MACROD2: variants seen among roughly 807,000 people sequenced by gnomAD.
MACROD2 encodes the protein mono-ADP ribosylhydrolase 2.
A neutral mutation model predicts 70.4 loss-of-function variants in MACROD2; 36 were observed. That is an observed-to-expected ratio of 0.51 (90% confidence interval 0.39 to 0.68). MACROD2 has a LOEUF of 0.68. Ranked by LOEUF, MACROD2 falls within the 30% of genes least tolerant of loss-of-function variation. The pLI is 0.00. For synonymous variants in MACROD2, 172 were observed against 178.8 expected (o/e 0.96, Z 0.30); for missense variants, 496 against 538.4 (o/e 0.92, Z 0.78).
At chr20:14,051,878 T>C (rs766574646) in intron 2 of MACROD2, 5 of 514,910 alleles carry the variant, frequency 9.7e-6, no homozygotes, top group South Asian at 4.3e-5. Flanking sequence ...GGTTTCAATA[T>C]GCCACATCTA....
chr20:14,284,320 C>G (rs2082328114), intron 3 of MACROD2, among the ~76,000 whole-genome samples: 1 of 152,170 alleles, frequency 6.6e-6, no homozygotes, highest in South Asian at 2.1e-4. Flanking sequence ...CATTATAAAA[C>G]TTAAAACTCA....
At chr20:15,224,270 A>C (rs2076886072) in intron 5 of MACROD2, among the ~76,000 whole-genome samples, 1 of 152,340 alleles carries the variant, frequency 6.6e-6, no homozygotes, top group Middle Eastern at 3.4e-3. Context: ...TGCATATTGC[A>C]ACAAATCTAA....
intron 6 of MACROD2, among the ~76,000 whole-genome samples, chr20:15,296,701 C>A (rs2077592558): frequency 6.6e-6 from 1 of 150,426 alleles, no homozygotes. Flanking sequence ...TGTATCTACC[C>A]AGTCTGGAAA....
intron 3 of MACROD2, among the ~76,000 whole-genome samples, chr20:14,239,196 AC>A (rs2081907290): frequency 6.6e-6 from 1 of 152,198 alleles, no homozygotes. Context: ...AGTGAGAATT[AC>A]AAAACACTGC....
chr20:15,539,326 TAGG>T (rs1301029336), intron 8 of MACROD2, among the ~76,000 whole-genome samples: 2 of 152,212 alleles, frequency 1.3e-5, no homozygotes, highest in Non-Finnish European at 2.9e-5. Flanking sequence ...AAGCTGACTG[TAGG>T]AGGACACAGG....
chr20:15,300,801 G>T (rs1024225016), intron 6 of MACROD2, among the ~76,000 whole-genome samples: 3 of 152,140 alleles, frequency 2.0e-5, no homozygotes, highest in Non-Finnish European at 4.4e-5. Flanking sequence ...AGACATTCAG[G>T]CTAATTCTGG....
rs553458556 is a variant in MACROD2 at position 15,873,330 on chromosome 20, T to C, written c.727+10504T>C. Among the ~76,000 whole-genome samples the C allele has an allele frequency of 2.0e-5, 3 of 152,252 alleles. No individual in the cohort carries two copies. The East Asian group carries it at 5.8e-4, about 29-fold the overall frequency. ...GAGTGGTACATGAGAGTTTATTTTT[T>C]TCCTACCTTTCTCAGTGGGTTACAT... On this transcript the variant is annotated intron_variant, in intron 9 of 17. Coordinates refer to ENST00000684519, the MANE Select transcript of MACROD2 (RefSeq NM_001351661.2).
intron 3 of MACROD2, among the ~76,000 whole-genome samples, chr20:14,341,747 A>C (rs1301588246): frequency 6.6e-6 from 1 of 152,228 alleles, no homozygotes; most frequent in Non-Finnish European, 1.5e-5. Flanking sequence ...TCTAAGCCTT[A>C]CCTGCAAAAT....
At position 14,093,680 on chromosome 20, in the gene MACROD2, AC is replaced by A. The variant is rs564319076; in HGVS notation, c.271+7956del. On this transcript the variant is annotated intron_variant, in intron 3 of 17. Transcript: ENST00000684519. ...AACACTCATTTGACAAAAAAAAAAA[AC>A]CCCAAAAATAAACAAAAAAACCCCA... Among the ~76,000 whole-genome samples, 72 of 133,502 alleles carry A rather than the reference AC, an allele frequency of 5.4e-4. 1 individual carries two copies. Among genetic ancestry groups the A allele is most frequent in the South Asian group, 1.7e-3 (7 of 4,106 alleles). 87.6% of individuals were successfully genotyped at this position (133,502 alleles called of 152,430 possible).
At chr20:14,837,009 T>C (rs1315315109) in intron 5 of MACROD2, among the ~76,000 whole-genome samples, 1 of 152,154 alleles carries the variant, frequency 6.6e-6, no homozygotes, top group East Asian at 1.9e-4. Flanking sequence ...ATAAAACTCT[T>C]GTAATTAACT....
At chr20:14,860,555 G>C (rs561576439) in intron 5 of MACROD2, among the ~76,000 whole-genome samples, 1 of 152,204 alleles carries the variant, frequency 6.6e-6, no homozygotes, top group East Asian at 1.9e-4. Flanking sequence ...GGACTCCTCC[G>C]GGTCTCTGTT....
At chr20:14,747,871 C>G (rs1027338549) in intron 5 of MACROD2, among the ~76,000 whole-genome samples, 10 of 152,144 alleles carry the variant, frequency 6.6e-5, no homozygotes, top group African/African-American at 2.4e-4. Flanking sequence ...GCCTCTCCTG[C>G]ATGTCTACTA....
intron 15 of MACROD2, among the ~76,000 whole-genome samples, chr20:16,033,549 G>A (rs191364135): frequency 1.8e-4 from 28 of 152,166 alleles, no homozygotes; most frequent in African/African-American, 6.3e-4. Flanking sequence ...GTGATAAAGA[G>A]ATACCCAGAA....
At chr20:14,902,549 C>T (rs1292035267) in intron 5 of MACROD2, among the ~76,000 whole-genome samples, 3 of 152,104 alleles carry the variant, frequency 2.0e-5, no homozygotes, top group African/African-American at 7.2e-5. Context: ...TCAGAGAGCT[C>T]AAAGTCAAAT....
intron 5 of MACROD2, among the ~76,000 whole-genome samples, chr20:14,713,020 A>G (rs889838811): frequency 6.6e-6 from 1 of 152,206 alleles, no homozygotes; most frequent in Non-Finnish European, 1.5e-5. Context: ...AAACAGAGAC[A>G]AAAAGAAAAA....
chr20:16,013,547 A>G (rs532922244), intron 15 of MACROD2, among the ~76,000 whole-genome samples: 1 of 152,208 alleles, frequency 6.6e-6, no homozygotes, highest in East Asian at 1.9e-4. Context: ...TTTCTACAAC[A>G]ACTGCTGCAT....
intron 15 of MACROD2, among the ~76,000 whole-genome samples, chr20:15,993,735 A>C (rs917155872): frequency 1.3e-5 from 2 of 152,202 alleles, no homozygotes; most frequent in African/African-American, 4.8e-5. Context: ...AGCACTGAAA[A>C]TTTCCAAACT....
At chr20:14,698,411 T>C (rs1680950859) in intron 5 of MACROD2, among the ~76,000 whole-genome samples, 1 of 152,122 alleles carries the variant, frequency 6.6e-6, no homozygotes, top group Non-Finnish European at 1.5e-5. Flanking sequence ...TCTCATGAGT[T>C]AATGTCTGTG....
At chr20:15,206,721 G>GTTTTGTTTTTTTTTTTTTTTTTTT (rs2076707206) in intron 5 of MACROD2, among the ~76,000 whole-genome samples, 1 of 32,990 alleles carries the variant, frequency 3.0e-5, no homozygotes, top group South Asian at 1.4e-3. Flanking sequence ...TATTATCTAT[G>GTTTTGTTTTTTTTTTTTTTTTTTT]TTTTTTTTTT....
Sources: allele counts gnomAD v4.1 joint callset (sites outside exome capture counted in the v4.1 genomes callset), GRCh38; gene constraint gnomAD v4.1.1; transcripts MANE v1.5; gene names NCBI Gene and HGNC (gene_info 2026-07-23, HGNC 2026-07-21).